Variants in SHMT1 observed in about 807,000 individuals in gnomAD.
The protein encoded by SHMT1 is serine hydroxymethyltransferase, cytosolic.
SHMT1 carries 45 observed loss-of-function variants against 49.0 expected under a neutral mutation model. The observed-to-expected ratio is 0.92, with a 90% CI of 0.72 to 1.18. The LOEUF (loss-of-function observed/expected upper bound fraction) is 1.18, where lower values mean the gene tolerates loss of function less well. Among genes scored for constraint, SHMT1 ranks in the 50% most tolerant of loss-of-function variants. The pLI is 0.00. For missense variants in SHMT1, 541 were observed against 612.4 expected (o/e 0.88, Z 1.23); for synonymous variants, 232 against 246.6 (o/e 0.94, Z 0.55).
intron 7 of SHMT1, among the ~76,000 whole-genome samples, chr17:18,339,197 C>A (rs1380896520): frequency 6.6e-6 from 1 of 151,470 alleles, no homozygotes; most frequent in Non-Finnish European, 1.5e-5. Context: ...TATGGGAATT[C>A]GAAAATAAGG....
In SHMT1 at chr17:18,335,633, T is replaced by C. The variant is rs1266357359; in HGVS notation, c.857A>G (p.Tyr286Cys). The change falls in exon 8 of 12, where the codon TAC becomes TGC. Residue 286 changes from tyrosine (Y) to cysteine (C), a missense_variant. Coordinates refer to ENST00000316694, the MANE Select transcript of SHMT1 (RefSeq NM_004169.5). ...AGAATTGATAAGAGACTCCAGGTTGTACAGAATCTCTTTGCCAGTCTTGGG... is the reference window on the plus strand; with the variant it reads ...AGAATTGATAAGAGACTCCAGGTTGCACAGAATCTCTTTGCCAGTCTTGGG... ...VDPKTGKEILYNLESLINSAV... is the reference protein window; with the variant it reads ...VDPKTGKEILCNLESLINSAV... 6.2e-7 allele frequency: 1 copy of C among 1,614,004 alleles called. No individual in the cohort carries two copies. The highest frequency in any genetic ancestry group is 1.3e-5 in the African/African-American group (1 of 74,922).
At chr17:18,355,757 G>A in intron 2 of SHMT1, 129 bp downstream of exon 2, 2 of 700,394 alleles carry the variant, frequency 2.9e-6, no homozygotes, top group Non-Finnish European at 5.2e-6. Flanking sequence ...CATTTTGTCT[G>A]CCACCACCTC....
chr17:18,350,088 G>T (rs963175564), intron 3 of SHMT1, among the ~76,000 whole-genome samples: 2 of 152,092 alleles, frequency 1.3e-5, no homozygotes, highest in African/African-American at 4.8e-5. Context: ...CAGCACTTTC[G>T]GAGGCCGAGG....
chr17:18,344,387 C>T (rs144512895), intron 5 of SHMT1, among the ~76,000 whole-genome samples: 4 of 152,148 alleles, frequency 2.6e-5, no homozygotes, highest in Non-Finnish European at 4.4e-5. Flanking sequence ...ACGTAATTCA[C>T]CGGGCATGGT....
intron 1 of SHMT1, chr17:18,360,531 G>C (rs1221190406): frequency 6.7e-6 from 1 of 150,310 alleles, no homozygotes; most frequent in Non-Finnish European, 1.5e-5. Flanking sequence ...CAGCACTCCA[G>C]CCTGGCCAAG....
intron 2 of SHMT1, among the ~76,000 whole-genome samples, chr17:18,354,143 C>T (rs1285796530): frequency 3.3e-5 from 5 of 151,704 alleles, no homozygotes; most frequent in South Asian, 2.1e-4. Context: ...CTTGGCTGGG[C>T]GTGGTGGCTC....
chr17:18,347,532 A>C lies in SHMT1; in HGVS notation c.483T>G (p.Ser161=), dbSNP rs1985211037. Residue 161 remains serine, a synonymous_variant, in exon 5 of 12, where the codon TCT becomes TCG. Coordinates refer to ENST00000316694, the MANE Select transcript of SHMT1 (RefSeq NM_004169.5). Reference sequence around the variant, plus strand: ...TAGATTCAAAGAAGATGGACGTGGCAGAGATTTTCTTCTTGTCTGTCATGA... The same window carrying C: ...TAGATTCAAAGAAGATGGACGTGGCCGAGATTTTCTTCTTGTCTGTCATGA... ...HGFMTDKKKI[S]ATSIFFESMP... 1 of 1,614,102 alleles carries C rather than the reference A, an allele frequency of 6.2e-7. No individual in the cohort carries two copies. The highest frequency in any genetic ancestry group is 1.3e-5 in the African/African-American group (1 of 74,940).
intron 2 of SHMT1, among the ~76,000 whole-genome samples, chr17:18,354,160 G>A (rs975003317): frequency 1.3e-5 from 2 of 152,192 alleles, no homozygotes; most frequent in East Asian, 1.9e-4. Context: ...GCTCACGCCT[G>A]TAATCCCAGC....
chr17:18,347,966 G>A (rs1441238689), intron 4 of SHMT1, among the ~76,000 whole-genome samples: 6 of 149,254 alleles, frequency 4.0e-5, no homozygotes, highest in Non-Finnish European at 7.4e-5. Context: ...TGCCCAGGCT[G>A]GAATGCAATG....
chr17:18,353,976 A>G (rs780440677), intron 2 of SHMT1, among the ~76,000 whole-genome samples, 159 bp from the exon 3 acceptor site: 1 of 152,208 alleles, frequency 6.6e-6, no homozygotes, highest in Non-Finnish European at 1.5e-5. Flanking sequence ...AGCACTAATC[A>G]ATGAATTAAC....
Position 18,340,051 on chromosome 17 carries a change from T to A in SHMT1, c.806A>T (p.Tyr269Phe). ...AACATTCGGGAGCTCACCTTTCCTG[T>A]AGAAGATCATGCCAGCTCGGCAGCC... ...LRGCRAGMIF[Y>F]RKGVKSVDPK... is the part of the protein sequence containing the mutation. Residue 269 changes from tyrosine to phenylalanine, a missense_variant, in exon 7 of 12, where the codon TAC becomes TTC. Coordinates refer to ENST00000316694, the MANE Select transcript of SHMT1 (RefSeq NM_004169.5). This position sits in a 1 kb window ranked among gnomAD's most constrained non-coding sequence, Gnocchi z 4.5. 1 of 1,613,542 alleles carries A rather than the reference T, an allele frequency of 6.2e-7. No homozygotes were observed. The highest frequency in any genetic ancestry group is 1.1e-5 in the South Asian group (1 of 91,088).
Position 18,334,063 on chromosome 17 carries a change from C to G in SHMT1, c.932-775G>C, listed in dbSNP as rs150058878. On this transcript the variant is annotated intron_variant, in intron 8 of 11. Coordinates refer to ENST00000316694, the MANE Select transcript of SHMT1 (RefSeq NM_004169.5). ...AAGCAATTCTCCTGCCTCAGCTTCCCAAGTAGCTGGGACTACAGGCACGTG... is the reference window on the plus strand; with the variant it reads ...AAGCAATTCTCCTGCCTCAGCTTCCGAAGTAGCTGGGACTACAGGCACGTG... 8.1e-3 allele frequency among the ~76,000 whole-genome samples: 1,239 copies of G among 152,214 alleles called. 11 individuals are homozygous for G. Among genetic ancestry groups the G allele is most frequent in the Middle Eastern group, 0.034 (10 of 292 alleles).
chr17:18,332,981 C>T (rs1385275842), intron 9 of SHMT1, 185 bp downstream of exon 9: 19 of 715,844 alleles, frequency 2.7e-5, no homozygotes, highest in Admixed American at 2.0e-4. Context: ...CCCAAGGGGG[C>T]GGCTGGCTGG....
At chr17:18,344,939 G>C (rs952794535) in intron 5 of SHMT1, among the ~76,000 whole-genome samples, 2 of 152,226 alleles carry the variant, frequency 1.3e-5, no homozygotes, top group African/African-American at 4.8e-5. Flanking sequence ...GTCTGGTGAA[G>C]GCTGGGCAGG....
Position 18,328,329 on chromosome 17 carries a change from AG to A in SHMT1, c.*420del. On this transcript the variant is annotated 3_prime_UTR_variant, in exon 12 of 12. Transcript: ENST00000316694. The stretch of plus-strand genomic sequence containing the variant: ...CATGCCACTGGATAACAAGATAGTG[AG>A]GGGGCAGTGTGTACAAGCTGTGGAC... 4.5e-6 allele frequency: 1 copy of A among 222,344 alleles called. No individual in the cohort carries two copies. The highest frequency in any genetic ancestry group is 9.2e-6 in the Non-Finnish European group (1 of 108,806). 13.8% of individuals were successfully genotyped at this position (222,344 alleles called of 1,614,324 possible).
chr17:18,359,037 T>C (rs1441406997), intron 1 of SHMT1, among the ~76,000 whole-genome samples: 2 of 150,400 alleles, frequency 1.3e-5, no homozygotes, highest in African/African-American at 2.4e-5. Context: ...GTGCGGATCA[T>C]GAGGTCATAA....
intron 3 of SHMT1, 24 bp from the exon 4 acceptor site, chr17:18,348,464 T>G (rs1409558068): frequency 6.5e-7 from 1 of 1,539,582 alleles, no homozygotes; most frequent in African/African-American, 1.4e-5. Flanking sequence ...GCAGGAGACT[T>G]AGATCCACTC....
intron 1 of SHMT1, among the ~76,000 whole-genome samples, chr17:18,362,228 T>G (rs1341246725): frequency 6.6e-6 from 1 of 152,224 alleles, no homozygotes. Context: ...CCCAGGACAT[T>G]GCACTAAATA....
intron 5 of SHMT1, among the ~76,000 whole-genome samples, chr17:18,345,451 T>C (rs1278588705): frequency 6.6e-6 from 1 of 151,944 alleles, no homozygotes; most frequent in African/African-American, 2.4e-5. Context: ...AGAGAAGGCT[T>C]TCACCATGTT....
Sources: allele counts gnomAD v4.1 joint callset (sites outside exome capture counted in the v4.1 genomes callset), GRCh38; gene constraint gnomAD v4.1.1; non-coding constraint Gnocchi (gnomAD v3.1); transcripts MANE v1.5; gene names NCBI Gene and HGNC (gene_info 2026-07-23, HGNC 2026-07-21).